Variants in CIBAR1 observed in about 807,000 individuals in gnomAD.
CIBAR1 encodes CBY1-interacting BAR domain-containing protein 1.
CIBAR1 carries 25 observed loss-of-function variants against 44.0 expected under a neutral mutation model. The ratio of observed to expected loss-of-function variants is 0.57; its 90% confidence interval spans 0.41 to 0.79. The LOEUF is 0.79. Among genes scored for constraint, CIBAR1 ranks in the 30% least tolerant of loss-of-function variants. The pLI is 0.00. For synonymous variants in CIBAR1, 115 were observed against 119.0 expected (o/e 0.97, Z 0.22); for missense variants, 278 against 344.8 (o/e 0.81, Z 1.53).
At chr8:93,712,460 G>A (rs1031700340) in intron 6 of CIBAR1, among the ~76,000 whole-genome samples, 3 of 152,178 alleles carry the variant, frequency 2.0e-5, no homozygotes, top group East Asian at 3.9e-4. Flanking sequence ...TGGACATTTC[G>A]GTGGTTTCCA....
Position 93,731,175 on chromosome 8 carries a change from T to A in CIBAR1, c.*2878T>A, listed in dbSNP as rs1021898007. ...ACTCTGACTCTTAAAATAATAAAAC[T>A]ACAAAGCTTATGTTTACTCTAGCTG... On this transcript the variant is annotated 3_prime_UTR_variant, in exon 9 of 9. Transcript: ENST00000518322. The A allele has an allele frequency of 4.6e-5, 7 of 152,014 alleles. No individual in the cohort carries two copies. The highest frequency in any genetic ancestry group is 1.7e-4 in the African/African-American group (7 of 41,378). The allele number at this position is 152,014 out of a possible 1,614,324, so 9.4% of individuals were successfully genotyped here.
intron 7 of CIBAR1, 104 bp downstream of exon 7, chr8:93,718,892 C>G: frequency 4.6e-6 from 3 of 652,260 alleles, no homozygotes; most frequent in Non-Finnish European, 7.2e-6. Flanking sequence ...GAGACAGAGT[C>G]TCACTCTGTT....
At chr8:93,700,709 CACTGGAGGGCTGGGGTGAGGG>C in intron 1 of CIBAR1, 36 bp downstream of exon 1, 4 of 1,488,370 alleles carry the variant, frequency 2.7e-6, no homozygotes, top group Non-Finnish European at 3.6e-6. Flanking sequence ...GGGCCGCCCA[CACTGGAGGGCTGGGGTGAGGG>C]AAGTGGAAGC....
chr8:93,714,101 G>T (rs1810941798), intron 6 of CIBAR1, among the ~76,000 whole-genome samples: 1 of 152,008 alleles, frequency 6.6e-6, no homozygotes, highest in Non-Finnish European at 1.5e-5. Context: ...ATGAACATGG[G>T]ATATTTTTCC....
Position 93,728,725 on chromosome 8 carries a change from A to G in CIBAR1, c.*428A>G, listed in dbSNP as rs1811662176. 6.6e-6 allele frequency: 1 copy of G among 152,186 alleles called. No individual in the cohort carries two copies. The highest frequency in any genetic ancestry group is 2.1e-4 in the South Asian group (1 of 4,832). 9.4% of individuals were successfully genotyped at this position (152,186 alleles called of 1,614,324 possible). The stretch of plus-strand genomic sequence containing the variant: ...TGGAATTCTATTCCATGAAGCCTTA[A>G]GAAAAAAAACTTTTTTTAACTTTCC... On this transcript the variant is annotated 3_prime_UTR_variant, in exon 9 of 9. Transcript: ENST00000518322.
chr8:93,716,098 T>C (rs1430080787), intron 6 of CIBAR1: 3 of 152,286 alleles, frequency 2.0e-5, no homozygotes, highest in African/African-American at 7.2e-5. Context: ...GTCTGTAGTA[T>C]GGTGGCATGA....
intron 6 of CIBAR1, chr8:93,716,132 C>T (rs953959247): frequency 6.6e-6 from 1 of 152,210 alleles, no homozygotes; most frequent in African/African-American, 2.4e-5. Flanking sequence ...CAACCTCTGC[C>T]TCCCGGATTC....
chr8:93,708,842 A>G (rs999926736), intron 5 of CIBAR1, among the ~76,000 whole-genome samples: 56 of 152,202 alleles, frequency 3.7e-4, no homozygotes, highest in African/African-American at 1.3e-3. Context: ...AAATACCTCA[A>G]TGTTGTAATG....
chr8:93,718,124 G>A (rs1421501848), intron 6 of CIBAR1, among the ~76,000 whole-genome samples: 12 of 152,196 alleles, frequency 7.9e-5, no homozygotes, highest in Admixed American at 7.9e-4. Flanking sequence ...CACTGGGCAA[G>A]TCAATATTTG....
At position 93,705,026 on chromosome 8, in the gene CIBAR1, G is replaced by A. The variant is rs1432319937; in HGVS notation, c.432+16G>A. On this transcript the variant is annotated intron_variant, in intron 4 of 8. Transcript: ENST00000518322. ...ACATGTTATTGTATCCTTTGAATTT[G>A]GGTCTTTAAAAAAATGTTTAAGGTA... 1 of 1,585,636 alleles carries A rather than the reference G, an allele frequency of 6.3e-7. No homozygotes were observed. The highest frequency in any genetic ancestry group is 8.6e-7 in the Non-Finnish European group (1 of 1,156,176).
chr8:93,728,479 T>C lies in CIBAR1; in HGVS notation c.*182T>C. 2.1e-6 allele frequency: 1 copy of C among 466,664 alleles called. No homozygotes were observed. The highest frequency in any genetic ancestry group is 3.8e-6 in the Non-Finnish European group (1 of 262,536). The allele number at this position is 466,664 out of a possible 1,614,324, so 28.9% of individuals were successfully genotyped here. On this transcript the variant is annotated 3_prime_UTR_variant, in exon 9 of 9. Coordinates refer to ENST00000518322, the MANE Select transcript of CIBAR1 (RefSeq NM_145269.5). ...TTTAAAAAATATTGCATACCAGTCA[T>C]TTCAACATCCTACCTAGTGTTACAT...
chr8:93,721,849 G>A (rs1280947267), intron 7 of CIBAR1, among the ~76,000 whole-genome samples: 1 of 152,100 alleles, frequency 6.6e-6, no homozygotes, highest in Non-Finnish European at 1.5e-5. Context: ...TGTGTGTGAT[G>A]GAGGGTTACA....
chr8:93,716,332 C>T (rs1191839520), intron 6 of CIBAR1, among the ~76,000 whole-genome samples: 1 of 151,882 alleles, frequency 6.6e-6, no homozygotes, highest in Non-Finnish European at 1.5e-5. Flanking sequence ...GCATGAGCCA[C>T]TGCACCCGGC....
At chr8:93,702,411 T>A (rs1455397475) in intron 2 of CIBAR1, 3 of 397,666 alleles carry the variant, frequency 7.5e-6, no homozygotes, top group African/African-American at 6.3e-5. Context: ...TTTTAGCCAA[T>A]AATTTCAATG....
At chr8:93,722,916 C>G (rs1811322213) in intron 7 of CIBAR1, among the ~76,000 whole-genome samples, 1 of 152,240 alleles carries the variant, frequency 6.6e-6, no homozygotes, top group Non-Finnish European at 1.5e-5. Context: ...TAAATTCCAT[C>G]TTTGCTAGAA....
rs186884628 is a variant in CIBAR1, at chr8:93,729,757, A to G, written c.*1460A>G. ...AAGACTATTATACAGGTAACTATGTAACCATGTAAGACTTAAGTACACTTA... is the reference window on the plus strand; with the variant it reads ...AAGACTATTATACAGGTAACTATGTGACCATGTAAGACTTAAGTACACTTA... On this transcript the variant is annotated 3_prime_UTR_variant, in exon 9 of 9. Coordinates refer to ENST00000518322, the MANE Select transcript of CIBAR1 (RefSeq NM_145269.5). 1 of 152,326 alleles carries G rather than the reference A, an allele frequency of 6.6e-6. No homozygotes were observed. Among genetic ancestry groups the G allele is most frequent in the African/African-American group, 2.4e-5 (1 of 41,578 alleles). 9.4% of individuals were successfully genotyped at this position (152,326 alleles called of 1,614,324 possible). A position where few individuals can be genotyped will look rare whatever the true frequency, so the allele number is the denominator to read the frequency against.
chr8:93,722,907 A>T (rs78794147), intron 7 of CIBAR1, among the ~76,000 whole-genome samples: 3 of 152,214 alleles, frequency 2.0e-5, no homozygotes, highest in African/African-American at 7.2e-5. Flanking sequence ...TTCCCACTTT[A>T]AATTCCATCT....
intron 6 of CIBAR1, among the ~76,000 whole-genome samples, chr8:93,717,371 A>G (rs986873735): frequency 3.3e-5 from 5 of 152,202 alleles, no homozygotes; most frequent in Admixed American, 1.3e-4. Flanking sequence ...ATGAAATCCA[A>G]AATTGTATTT....
Position 93,701,228 on chromosome 8 carries a change from G to C in CIBAR1, c.31G>C (p.Ala11Pro), listed in dbSNP as rs1424535536. The C allele has an allele frequency of 1.2e-6, 2 of 1,612,228 alleles. No homozygotes were observed. The highest frequency in any genetic ancestry group is 1.7e-5 in the Admixed American group (1 of 59,768). MMRRTLENRNAQTKQLQTAVS... is the reference protein window; with the variant it reads MMRRTLENRNPQTKQLQTAVS... ...TTTGTGTCACCTTTTCCCTAGGAACGCTCAAACGAAACAACTGCAAACAGC... is the reference window on the plus strand; with the variant it reads ...TTTGTGTCACCTTTTCCCTAGGAACCCTCAAACGAAACAACTGCAAACAGC... The change falls in exon 2 of 9, where the codon GCT (alanine) becomes CCT (proline). Residue 11 changes from alanine (A) to proline (P), a missense_variant. This residue lies in a region of CIBAR1 where 183 missense variants were observed against 218.6 expected (regional missense o/e 0.84). Coordinates refer to ENST00000518322, the MANE Select transcript of CIBAR1 (RefSeq NM_145269.5).
Sources: allele counts gnomAD v4.1 joint callset (sites outside exome capture counted in the v4.1 genomes callset), GRCh38; gene constraint gnomAD v4.1.1; regional missense constraint gnomAD v4.1.1; transcripts MANE v1.5; gene names NCBI Gene and HGNC (gene_info 2026-07-23, HGNC 2026-07-21).